The following ENAH variants were observed in gnomAD, a reference collection of about 807,000 sequenced individuals.
ENAH encodes the protein protein enabled homolog.
Under a neutral mutation model 78.7 loss-of-function variants are expected in ENAH, and 23 were observed. The ratio of observed to expected loss-of-function variants is 0.29; its 90% CI spans 0.21 to 0.41. The LOEUF is 0.41. ENAH is among the 10% of genes least tolerant of loss of function. ENAH has a pLI of 1.00. For synonymous variants in ENAH, 226 were observed against 241.0 expected (o/e 0.94, Z 0.58); for missense variants, 544 against 691.0 (o/e 0.79, Z 2.39).
intron 6 of ENAH, 78 bp downstream of exon 6, chr1:225,517,118 T>C: frequency 8.8e-7 from 1 of 1,133,400 alleles, no homozygotes; most frequent in African/African-American, 1.6e-5. Context: ...ATCCTACCCA[T>C]CCATTCAGGC....
intron 1 of ENAH, among the ~76,000 whole-genome samples, chr1:225,590,599 C>G (rs886377997): frequency 6.6e-6 from 1 of 152,106 alleles, no homozygotes; most frequent in Non-Finnish European, 1.5e-5. Context: ...TTCTCCCCCC[C>G]ATTCCCTTTC....
intron 3 of ENAH, among the ~76,000 whole-genome samples, chr1:225,550,847 G>A (rs934087387): frequency 6.6e-6 from 1 of 152,076 alleles, no homozygotes; most frequent in Non-Finnish European, 1.5e-5. Context: ...GAGAACAAAA[G>A]CAGTGGGATA....
intron 1 of ENAH, among the ~76,000 whole-genome samples, chr1:225,595,513 CAA>C (rs1167910882): frequency 2.0e-5 from 3 of 152,062 alleles, no homozygotes; most frequent in African/African-American, 7.2e-5. Context: ...TATGTCATGA[CAA>C]ATAGTTAGGT....
chr1:225,591,387 G>A (rs868659908), intron 1 of ENAH, among the ~76,000 whole-genome samples: 1 of 151,754 alleles, frequency 6.6e-6, no homozygotes. Flanking sequence ...AGAATCGCTT[G>A]AACCCCGGAG....
chr1:225,520,137 T>C (rs2096455662), intron 4 of ENAH, among the ~76,000 whole-genome samples: 1 of 151,726 alleles, frequency 6.6e-6, no homozygotes, highest in South Asian at 2.1e-4. Flanking sequence ...CTACCAAAAA[T>C]ATAAAAAATT....
At chr1:225,650,763 T>A (rs1487463868) in intron 1 of ENAH, among the ~76,000 whole-genome samples, 1 of 142,016 alleles carries the variant, frequency 7.0e-6, no homozygotes, top group African/African-American at 2.7e-5. Flanking sequence ...GGCAGGAGAA[T>A]CGCTTGAACC....
chr1:225,547,889 GA>G (rs1416162813), intron 3 of ENAH, among the ~76,000 whole-genome samples: 2 of 152,162 alleles, frequency 1.3e-5, no homozygotes, highest in African/African-American at 4.8e-5. Flanking sequence ...CTGCTCCAGT[GA>G]GAAGGCGGCT....
At chr1:225,583,957 A>C (rs1218791173) in intron 1 of ENAH, among the ~76,000 whole-genome samples, 1 of 152,152 alleles carries the variant, frequency 6.6e-6, no homozygotes, top group East Asian at 1.9e-4. Context: ...GTTCAAGACC[A>C]GCCTGGCAAA....
chr1:225,539,658 G>GC (rs1209434699), intron 3 of ENAH, among the ~76,000 whole-genome samples: 1 of 152,096 alleles, frequency 6.6e-6, no homozygotes, highest in South Asian at 2.1e-4. Flanking sequence ...TCCAGTGCTT[G>GC]CCCCCCATGA....
intron 1 of ENAH, among the ~76,000 whole-genome samples, chr1:225,568,108 AT>A (rs2096743667): frequency 6.6e-6 from 1 of 152,218 alleles, no homozygotes. Context: ...ACCCCACTAG[AT>A]TTTAAATTCT....
intron 2 of ENAH, among the ~76,000 whole-genome samples, chr1:225,557,728 G>A (rs183876497): frequency 8.8e-4 from 134 of 152,314 alleles, no homozygotes; most frequent in African/African-American, 3.0e-3. Flanking sequence ...GGCTGAGGCA[G>A]AAGAATCACT....
intron 1 of ENAH, among the ~76,000 whole-genome samples, chr1:225,606,719 T>C (rs1004351679): frequency 1.3e-5 from 2 of 151,358 alleles, no homozygotes; most frequent in Non-Finnish European, 2.9e-5. Context: ...GGAGTGCACC[T>C]GTAGTCCCAG....
Position 225,512,697 on chromosome 1 carries a change from T to C in ENAH, c.1382A>G (p.Lys461Arg), listed in dbSNP as rs1486570075. Residue 461 changes from lysine to arginine, a missense_variant, in exon 9 of 14, where the codon AAG (lysine) becomes AGG (arginine). This residue lies in a region of ENAH where 97 missense variants were observed against 124.4 expected (regional missense o/e 0.78). Coordinates refer to ENST00000366843, the MANE Select transcript of ENAH (RefSeq NM_018212.6). ...TTGTTCTGTTTCTATTGTTGATCCC[T>C]TTTCAGCAATTCTTCTCCTACAAAG... is the stretch of plus-strand genomic sequence containing the variant. ...LLARRRRIAE[K>R]GSTIETEQKE... The C allele has an allele frequency of 1.2e-6, 2 of 1,613,534 alleles. No individual in the cohort carries two copies. The highest frequency in any genetic ancestry group is 1.1e-5 in the South Asian group (1 of 90,992).
In ENAH at chr1:225,526,988, C is replaced by T. The variant is rs564594541; in HGVS notation, c.434+3566G>A. 7.2e-4 allele frequency among the ~76,000 whole-genome samples: 110 copies of T among 152,264 alleles called. 1 individual carries two copies. The highest frequency in any genetic ancestry group is 2.5e-3 in the African/African-American group (103 of 41,550). On this transcript the variant is annotated intron_variant, in intron 4 of 13. Coordinates refer to ENST00000366843, the MANE Select transcript of ENAH (RefSeq NM_018212.6). ...CACTGGCAAGGACGAGTGTCAACAT[C>T]TCTGTCTTCTCTTGGCCATGGCAAT...
At chr1:225,601,310 G>A (rs1303120024) in intron 1 of ENAH, among the ~76,000 whole-genome samples, 1 of 152,134 alleles carries the variant, frequency 6.6e-6, no homozygotes, top group Non-Finnish European at 1.5e-5. Context: ...CACGATGTCA[G>A]GAGATTGAGA....
chr1:225,604,184 A>G (rs763149347), intron 1 of ENAH, among the ~76,000 whole-genome samples: 4 of 152,232 alleles, frequency 2.6e-5, no homozygotes, highest in Non-Finnish European at 4.4e-5. Context: ...TGGCAGACAT[A>G]AAAACCAAAA....
intron 12 of ENAH, 132 bp downstream of exon 12, chr1:225,500,860 T>C: frequency 1.2e-6 from 1 of 835,216 alleles, no homozygotes. Flanking sequence ...CTAATGCCAC[T>C]GTTTAATTTG....
rs3050220 is a variant in ENAH at position 225,590,082 on chromosome 1, AACACACACAC to A, written c.6-22678_6-22669del. On this transcript the variant is annotated intron_variant, in intron 1 of 13. Transcript: ENST00000366843. The stretch of plus-strand genomic sequence containing the variant: ...GACTAATTGCCTCCCCTCATCACTC[AACACACACAC>A]ACACACACACACACACACACACACA... 3.7e-3 allele frequency among the ~76,000 whole-genome samples: 493 copies of A among 131,488 alleles called. 2 individuals are homozygous for A. The highest frequency in any genetic ancestry group is 9.3e-3 in the African/African-American group (328 of 35,416). The allele number at this position is 131,488 out of a possible 152,430, so 86.3% of individuals were successfully genotyped here.
Position 225,567,274 on chromosome 1 carries a change from A to G in ENAH, c.146T>C (p.Val49Ala). ...HHTGNNTFRV[V>A]GRKIQDHQVV... is the part of the protein sequence containing the mutation. ...CTGATGGTCCTGAATCTTCCTGCCC[A>G]CCACTCTGAATGTGTTGTTGCCTGT... The change falls in exon 2 of 14, where the codon GTG (valine) becomes GCG (alanine). Residue 49 changes from valine (V) to alanine (A), a missense_variant. Transcript: ENST00000366843. 1.9e-6 allele frequency: 3 copies of G among 1,614,004 alleles called. No homozygotes were observed. Among genetic ancestry groups the G allele is most frequent in the Non-Finnish European group, 2.5e-6 (3 of 1,179,972 alleles).
Sources: allele counts gnomAD v4.1 joint callset (sites outside exome capture counted in the v4.1 genomes callset), GRCh38; gene constraint gnomAD v4.1.1; regional missense constraint gnomAD v4.1.1; transcripts MANE v1.5; gene names NCBI Gene and HGNC (gene_info 2026-07-23, HGNC 2026-07-21).